The following RPH3A variants were observed in gnomAD, a reference collection of about 807,000 sequenced individuals.
The protein encoded by RPH3A is rabphilin 3A.
Under a neutral mutation model 102.2 loss-of-function variants are expected in RPH3A, and 48 were observed. The ratio of observed to expected loss-of-function variants is 0.47; its 90% CI spans 0.37 to 0.60. The LOEUF is 0.60. Among genes scored for constraint, RPH3A ranks in the 20% least tolerant of loss-of-function variants. The probability of loss-of-function intolerance (pLI) is 0.00; values close to 1 mark genes in which losing one functional copy is unlikely to be tolerated. For synonymous variants in RPH3A, 310 were observed against 324.3 expected (o/e 0.96, Z 0.47); for missense variants, 781 against 910.1 (o/e 0.86, Z 1.83).
At chr12:112,659,918 C>T (rs556168855) in intron 1 of RPH3A, among the ~76,000 whole-genome samples, 1 of 152,230 alleles carries the variant, frequency 6.6e-6, no homozygotes, top group East Asian at 1.9e-4. Context: ...TTGCTCCAGC[C>T]CTGCTATCAG....
At chr12:112,666,071 A>C (rs2040081565) in intron 1 of RPH3A, among the ~76,000 whole-genome samples, 1 of 152,164 alleles carries the variant, frequency 6.6e-6, no homozygotes, top group Non-Finnish European at 1.5e-5. Flanking sequence ...CTTGCTACTT[A>C]CTCGACACAT....
rs7304502 is a variant in RPH3A, at chr12:112,683,647, G to A, written c.-140+108328G>A. On this transcript the variant is annotated intron_variant, in intron 1 of 21. Transcript: ENST00000543106. Reference sequence around the variant, plus strand: ...TGGGTACCCTCTGAGTGACTGTGTAGGATATGTTTCAGAATTGTCTCACTG... The same window carrying A: ...TGGGTACCCTCTGAGTGACTGTGTAAGATATGTTTCAGAATTGTCTCACTG... 9.5e-3 allele frequency among the ~76,000 whole-genome samples: 1,454 copies of A among 152,288 alleles called. 25 individuals carry two copies. The highest frequency in any genetic ancestry group is 0.033 in the African/African-American group (1,390 of 41,558).
At chr12:112,847,167 A>G (rs2042244835) in intron 4 of RPH3A, among the ~76,000 whole-genome samples, 1 of 152,216 alleles carries the variant, frequency 6.6e-6, no homozygotes, top group Non-Finnish European at 1.5e-5. Flanking sequence ...TGTTCGCTTA[A>G]AAAGAAAAGG....
At chr12:112,823,565 G>A (rs1283893951) in intron 2 of RPH3A, among the ~76,000 whole-genome samples, 1 of 152,206 alleles carries the variant, frequency 6.6e-6, no homozygotes, top group Non-Finnish European at 1.5e-5. Flanking sequence ...AGGGAGTGTA[G>A]CTGATGCTTA....
chr12:112,679,616 G>C (rs960784348), intron 1 of RPH3A, among the ~76,000 whole-genome samples: 1 of 152,156 alleles, frequency 6.6e-6, no homozygotes, highest in African/African-American at 2.4e-5. Flanking sequence ...AGTATAAATG[G>C]GGTTTCACCA....
At chr12:112,621,320 C>T (rs2135980473) in intron 1 of RPH3A, among the ~76,000 whole-genome samples, 1 of 150,654 alleles carries the variant, frequency 6.6e-6, no homozygotes, top group Admixed American at 6.6e-5. Context: ...CTAGGGAGTG[C>T]CAGACAGTGG....
chr12:112,763,906 T>C (rs1003567245), intron 1 of RPH3A, among the ~76,000 whole-genome samples: 7 of 152,206 alleles, frequency 4.6e-5, no homozygotes, highest in African/African-American at 1.7e-4. Context: ...TGTGGTGGTC[T>C]GGGGCTGTGT....
intron 1 of RPH3A, among the ~76,000 whole-genome samples, chr12:112,675,370 C>A (rs1950463861): frequency 6.6e-6 from 1 of 152,140 alleles, no homozygotes; most frequent in South Asian, 2.1e-4. Context: ...TGACTGTAGA[C>A]TTTACTCAGG....
At chr12:112,617,538 A>G (rs1242816611) in intron 1 of RPH3A, among the ~76,000 whole-genome samples, 3 of 152,232 alleles carry the variant, frequency 2.0e-5, no homozygotes, top group Non-Finnish European at 2.9e-5. Context: ...ATCAGAGAGA[A>G]AAAGTGAACA....
At chr12:112,613,788 A>G (rs2039656867) in intron 1 of RPH3A, among the ~76,000 whole-genome samples, 1 of 152,124 alleles carries the variant, frequency 6.6e-6, no homozygotes, top group African/African-American at 2.4e-5. Flanking sequence ...CCTCTGCAAA[A>G]AATTAACTAG....
chr12:112,803,172 C>T (rs550408265), intron 2 of RPH3A, among the ~76,000 whole-genome samples: 1 of 152,202 alleles, frequency 6.6e-6, no homozygotes, highest in African/African-American at 2.4e-5. Flanking sequence ...CAGGTCTCCA[C>T]AGCAGGGTGG....
chr12:112,710,776 A>G (rs968611307), intron 1 of RPH3A, among the ~76,000 whole-genome samples: 1 of 152,154 alleles, frequency 6.6e-6, no homozygotes, highest in Non-Finnish European at 1.5e-5. Flanking sequence ...ATTCAAAAAC[A>G]TTACTTAAAA....
intron 3 of RPH3A, among the ~76,000 whole-genome samples, chr12:112,835,558 G>T (rs1372738683): frequency 1.3e-5 from 2 of 152,078 alleles, no homozygotes; most frequent in Non-Finnish European, 2.9e-5. Flanking sequence ...GATTGCTGCT[G>T]CCTCTTCTTC....
At chr12:112,842,171 T>C (rs1666230694) in intron 4 of RPH3A, among the ~76,000 whole-genome samples, 1 of 152,244 alleles carries the variant, frequency 6.6e-6, no homozygotes, top group Non-Finnish European at 1.5e-5. Context: ...CTTTCTTCCA[T>C]TCAGATTCAG....
chr12:112,620,641 T>C (rs1304918856), intron 1 of RPH3A, among the ~76,000 whole-genome samples: 5 of 152,194 alleles, frequency 3.3e-5, no homozygotes, highest in African/African-American at 1.2e-4. Context: ...TCGTAGGAAC[T>C]TCATATGGAA....
chr12:112,821,938 C>G (rs993491405), intron 2 of RPH3A, among the ~76,000 whole-genome samples: 29 of 151,768 alleles, frequency 1.9e-4, no homozygotes, highest in Middle Eastern at 3.4e-3. Context: ...TTAATTAAAT[C>G]CTGCGCTTTT....
chr12:112,832,331 T>C (rs1334355636), intron 3 of RPH3A, among the ~76,000 whole-genome samples: 1 of 152,240 alleles, frequency 6.6e-6, no homozygotes, highest in Admixed American at 6.5e-5. Flanking sequence ...TTCATTTTAA[T>C]ATCTTCTTCA....
chr12:112,593,484 C>T (rs2039493208), intron 1 of RPH3A, among the ~76,000 whole-genome samples: 1 of 152,140 alleles, frequency 6.6e-6, no homozygotes, highest in African/African-American at 2.4e-5. Flanking sequence ...GATACATTCT[C>T]TATTAGAATT....
intron 5 of RPH3A, among the ~76,000 whole-genome samples, chr12:112,864,140 G>A (rs1448878047): frequency 1.3e-5 from 2 of 152,138 alleles, no homozygotes; most frequent in African/African-American, 4.8e-5. Flanking sequence ...CTCTCAAGAG[G>A]GAGTGCTATT....
Sources: gnomAD v4.1 joint callset for allele counts (sites outside exome capture counted in the v4.1 genomes callset) on GRCh38, gnomAD v4.1.1 for gene constraint, MANE v1.5 for transcripts, NCBI Gene and HGNC (gene_info 2026-07-23, HGNC 2026-07-21) for gene names.